TBC1D5: variants seen among roughly 807,000 people sequenced by gnomAD.
TBC1D5 encodes the protein TBC1 domain family, member 5.
TBC1D5 carries 75 observed loss-of-function variants against 100.3 expected under a neutral mutation model. The ratio of observed to expected loss-of-function variants is 0.75; its 90% CI spans 0.62 to 0.91. The LOEUF (loss-of-function observed/expected upper bound fraction) is 0.91. Ranked by LOEUF, TBC1D5 falls within the 40% of genes least tolerant of loss-of-function variation. The pLI is 0.00. For missense variants in TBC1D5, 910 were observed against 942.4 expected, an observed-to-expected ratio of 0.97 and a Z score of 0.45; for synonymous variants, 323 against 325.6, an observed-to-expected ratio of 0.99 and a Z score of 0.09.
At chr3:17,376,592 G>A (rs773543909) in exon 10 of TBC1D5, 1 of 1,612,748 alleles carries the variant, frequency 6.2e-7, no homozygotes, top group South Asian at 1.1e-5. Context: ...AAGACTATAG[G>A]TGCTAACAGT....
intron 16 of TBC1D5, among the ~76,000 whole-genome samples, chr3:17,249,890 G>A (rs1267538747): frequency 2.6e-5 from 4 of 152,122 alleles, no homozygotes; most frequent in African/African-American, 7.2e-5. Context: ...GCCCCAAAAC[G>A]ATAACAAGAT....
At chr3:17,210,248 C>T (rs757735372) in intron 18 of TBC1D5, among the ~76,000 whole-genome samples, 5 of 150,970 alleles carry the variant, frequency 3.3e-5, no homozygotes, top group African/African-American at 7.3e-5. Context: ...AGTGCAGTGG[C>T]GCGATCTCGG....
exon 1 of TBC1D5, chr3:17,740,465 C>T (rs1294268143): frequency 6.6e-6 from 1 of 152,020 alleles, no homozygotes; most frequent in African/African-American, 2.4e-5. Context: ...GTACTAAAAA[C>T]TTCCACAAAG....
At chr3:17,423,534 T>C (rs2094267028) in intron 4 of TBC1D5, among the ~76,000 whole-genome samples, 1 of 152,150 alleles carries the variant, frequency 6.6e-6, no homozygotes, top group Non-Finnish European at 1.5e-5. Context: ...GACTTCTAAC[T>C]GAGCATCTTT....
At chr3:17,344,746 C>T (rs1161771022) in intron 13 of TBC1D5, among the ~76,000 whole-genome samples, 1 of 151,964 alleles carries the variant, frequency 6.6e-6, no homozygotes, top group Non-Finnish European at 1.5e-5. Context: ...AGAACAGAGC[C>T]CTCAGAAATA....
chr3:17,555,356 A>T (rs764063271), intron 2 of TBC1D5, among the ~76,000 whole-genome samples: 6 of 152,196 alleles, frequency 3.9e-5, no homozygotes, highest in Non-Finnish European at 8.8e-5. Flanking sequence ...AGGGATACAT[A>T]CGACATGAAT....
In TBC1D5 at chr3:17,367,809, A is replaced by C. The variant is rs535424369; in HGVS notation, c.995+4266T>G. Among the ~76,000 whole-genome samples the C allele has an allele frequency of 6.6e-5, 10 of 152,204 alleles. No homozygotes were observed. In the South Asian group the frequency reaches 1.3e-3, roughly 19 times the overall value. On this transcript the variant is annotated intron_variant, in intron 13 of 21. Coordinates refer to ENST00000253692, the Ensembl canonical transcript of TBC1D5. ...GGGAGGCAGAAGCTGCAGTGAGCCAAGATTGCACCACTGCACACCAGCCTA... is the reference window on the plus strand; with the variant it reads ...GGGAGGCAGAAGCTGCAGTGAGCCACGATTGCACCACTGCACACCAGCCTA...
intron 1 of TBC1D5, among the ~76,000 whole-genome samples, chr3:17,655,472 T>C (rs1199480606): frequency 6.6e-6 from 1 of 151,708 alleles, no homozygotes; most frequent in Non-Finnish European, 1.5e-5. Flanking sequence ...TTAAATTAAA[T>C]TAAATTAAAT....
chr3:17,372,744 C>T (rs1235827673), intron 12 of TBC1D5, among the ~76,000 whole-genome samples: 1 of 152,198 alleles, frequency 6.6e-6, no homozygotes, highest in South Asian at 2.1e-4. Flanking sequence ...TCATATAAGT[C>T]TATGACTTCA....
intron 13 of TBC1D5, among the ~76,000 whole-genome samples, chr3:17,345,858 G>A (rs1318736416): frequency 6.6e-6 from 1 of 151,698 alleles, no homozygotes. Context: ...CTCATAGATG[G>A]AATTGAACAA....
At chr3:17,339,352 A>G (rs942233393) in intron 13 of TBC1D5, among the ~76,000 whole-genome samples, 1 of 152,218 alleles carries the variant, frequency 6.6e-6, no homozygotes. Flanking sequence ...CACCTTGCCA[A>G]GTCCCCTGTG....
intron 1 of TBC1D5, among the ~76,000 whole-genome samples, chr3:17,646,272 C>A (rs1178684713): frequency 3.9e-5 from 6 of 152,140 alleles, no homozygotes; most frequent in African/African-American, 1.4e-4. Flanking sequence ...AAAGGATTCT[C>A]CCCTAGAACC....
At chr3:17,721,249 T>C (rs2075673964) in intron 1 of TBC1D5, among the ~76,000 whole-genome samples, 1 of 152,224 alleles carries the variant, frequency 6.6e-6, no homozygotes, top group Admixed American at 6.5e-5. Context: ...ATAAGTATTC[T>C]TAAACAGTAA....
At chr3:17,337,720 T>A (rs1459760859) in intron 13 of TBC1D5, 1 of 152,148 alleles carries the variant, frequency 6.6e-6, no homozygotes, top group African/African-American at 2.4e-5. Flanking sequence ...ATAAATAACA[T>A]CTCTATATAA....
chr3:17,303,606 T>C (rs191130522), intron 14 of TBC1D5, among the ~76,000 whole-genome samples: 56 of 152,294 alleles, frequency 3.7e-4, no homozygotes, highest in African/African-American at 1.3e-3. Context: ...ACCAAGCAGA[T>C]CTAGAACTGC....
At chr3:17,227,663 C>A (rs548418909) in intron 17 of TBC1D5, among the ~76,000 whole-genome samples, 30 of 151,752 alleles carry the variant, frequency 2.0e-4, no homozygotes, top group African/African-American at 7.0e-4. Context: ...CACGTGGACA[C>A]AAAGAGGAGA....
upstream of TBC1D5, among the ~76,000 whole-genome samples, chr3:17,741,365 G>A (rs1485281051): frequency 2.0e-5 from 3 of 152,206 alleles, no homozygotes; most frequent in East Asian, 1.9e-4. Flanking sequence ...AATCAGAAAA[G>A]CCCAAAGAGA....
At chr3:17,602,419 A>G (rs1444788658) in intron 2 of TBC1D5, among the ~76,000 whole-genome samples, 1 of 152,210 alleles carries the variant, frequency 6.6e-6, no homozygotes. Context: ...GTACTAAAAG[A>G]AAGCTCTCTC....
In TBC1D5 at chr3:17,299,926, T is replaced by C. The variant is rs576058395; in HGVS notation, c.1139-7925A>G. Among the ~76,000 whole-genome samples the C allele has an allele frequency of 6.9e-5, 10 of 145,648 alleles. No individual in the cohort carries two copies. The East Asian group carries it at 2.0e-3, about 29-fold the overall frequency. On this transcript the variant is annotated intron_variant, in intron 14 of 21. Transcript: ENST00000253692. ...GGGATGGTGATAGTGGGGGAGAATA[T>C]GGGTATCTGGGGGAGTGGGTATATG...
Sources: allele counts gnomAD v4.1 joint callset (sites outside exome capture counted in the v4.1 genomes callset), GRCh38; gene constraint gnomAD v4.1.1; transcripts MANE v1.5; gene names NCBI Gene and HGNC (gene_info 2026-07-23, HGNC 2026-07-21).